RANBP2: variants seen among roughly 807,000 people sequenced by gnomAD.
The protein encoded by RANBP2 is E3 SUMO-protein ligase RanBP2.
Under a neutral mutation model 303.6 loss-of-function variants are expected in RANBP2, and 57 were observed. The observed-to-expected ratio is 0.19, with a 90% CI of 0.15 to 0.23. The LOEUF (loss-of-function observed/expected upper bound fraction) is 0.23. RANBP2 is among the 10% of genes least tolerant of loss of function. The pLI is 1.00. For missense variants in RANBP2, 3,138 were observed against 3,780.8 expected, an observed-to-expected ratio of 0.83 and a Z score of 4.46; for synonymous variants, 1,167 against 1,301.5, an observed-to-expected ratio of 0.90 and a Z score of 2.23.
chr2:108,930,346 G>A, the RANBP2 span: 3 of 1,300,598 alleles, frequency 2.3e-6, no homozygotes, highest in Non-Finnish European at 3.3e-6. Context: ...CCTGCGGTGG[G>A]GGCTCTGCTG....
chr2:108,955,953 C>A, the RANBP2 span, among the ~76,000 whole-genome samples: 1 of 152,108 alleles, frequency 6.6e-6, no homozygotes, highest in Non-Finnish European at 1.5e-5. Context: ...GGCGGGAACC[C>A]AGGAGGTGGA....
At chr2:108,774,892 A>G (rs867532145) in intron 23 of RANBP2, among the ~76,000 whole-genome samples, 1 of 151,928 alleles carries the variant, frequency 6.6e-6, no homozygotes, top group African/African-American at 2.4e-5. Flanking sequence ...GGGTTTCACC[A>G]TGTTGGTAAG....
the RANBP2 span, chr2:109,614,272 G>T: frequency 1.5e-6 from 1 of 651,986 alleles, no homozygotes; most frequent in Non-Finnish European, 2.1e-6. Context: ...GGAAGTGGGC[G>T]TGGCCTGGTG....
At chr2:109,202,224 G>T in the RANBP2 span, among the ~76,000 whole-genome samples, 1 of 152,304 alleles carries the variant, frequency 6.6e-6, no homozygotes, top group South Asian at 2.1e-4. Context: ...CCTGTGGACT[G>T]CAGAGTGAGG....
chr2:109,706,972 T>C, the RANBP2 span, among the ~76,000 whole-genome samples: 1 of 151,974 alleles, frequency 6.6e-6, no homozygotes, highest in Admixed American at 6.6e-5. Context: ...TCACAGACAT[T>C]GAGTTGGAGA....
the RANBP2 span, among the ~76,000 whole-genome samples, chr2:109,716,598 G>T: frequency 6.6e-6 from 1 of 152,066 alleles, no homozygotes; most frequent in Non-Finnish European, 1.5e-5. Flanking sequence ...CCAGGCTGAA[G>T]TGCAGTGGTG....
chr2:109,238,638 TA>T, the RANBP2 span, among the ~76,000 whole-genome samples: 3 of 152,112 alleles, frequency 2.0e-5, no homozygotes, highest in African/African-American at 7.2e-5. Flanking sequence ...CAGAGTTTCT[TA>T]AACCCAGAGT....
At chr2:109,307,000 A>G in the RANBP2 span, among the ~76,000 whole-genome samples, 1 of 152,242 alleles carries the variant, frequency 6.6e-6, no homozygotes, top group African/African-American at 2.4e-5. Flanking sequence ...AGGTAACATA[A>G]TTGAGGGCAC....
the RANBP2 span, among the ~76,000 whole-genome samples, chr2:108,793,867 G>C: frequency 6.6e-6 from 1 of 151,976 alleles, no homozygotes; most frequent in Non-Finnish European, 1.5e-5. Flanking sequence ...CTCCCAAAGT[G>C]CTGGGATTAT....
the RANBP2 span, among the ~76,000 whole-genome samples, chr2:109,694,525 G>T: frequency 1.3e-5 from 2 of 151,450 alleles, no homozygotes; most frequent in Non-Finnish European, 2.9e-5. Flanking sequence ...TGCCTGAACT[G>T]GTAAGCATAA....
the RANBP2 span, among the ~76,000 whole-genome samples, chr2:109,427,074 T>C: frequency 5.3e-5 from 8 of 152,092 alleles, no homozygotes; most frequent in Admixed American, 3.9e-4. Context: ...GTTCAAGCGA[T>C]TCTCTGGCCC....
the RANBP2 span, among the ~76,000 whole-genome samples, chr2:109,434,748 C>T: frequency 6.6e-6 from 1 of 152,232 alleles, no homozygotes; most frequent in African/African-American, 2.4e-5. Flanking sequence ...CATTCAGGAT[C>T]CCCCCTCACA....
Position 108,766,270 on chromosome 2 carries a change from A to G in RANBP2, c.5731A>G (p.Lys1911Glu), listed in dbSNP as rs762492477. 65 of 1,612,082 alleles carry G rather than the reference A, an allele frequency of 4.0e-5. No homozygotes were observed. Among genetic ancestry groups the G allele is most frequent in the Non-Finnish European group, 4.6e-5 (54 of 1,180,002 alleles). The change falls in exon 20 of 29, where the codon AAA becomes GAA. Residue 1911 changes from lysine (K) to glutamate (E), a missense_variant. Physicochemically the swap from Lys to Glu is moderately conservative, Grantham distance 56. This residue lies in a region of RANBP2 where 348 missense variants were observed against 360.4 expected (regional missense o/e 0.97). Coordinates refer to ENST00000283195, the MANE Select transcript of RANBP2 (RefSeq NM_006267.5). ...TTCGGAACCAGGAAATCAAGAAAAG[A>G]AAAGTGAAAAGCCTCTTGAAAATGG... The part of the protein sequence containing the change: ...GISEPGNQEK[K>E]SEKPLENGTG...
At chr2:108,843,246 C>G in the RANBP2 span, among the ~76,000 whole-genome samples, 1 of 152,168 alleles carries the variant, frequency 6.6e-6, no homozygotes, top group Non-Finnish European at 1.5e-5. Flanking sequence ...CAACCTCCGT[C>G]TGCTGGGTTC....
chr2:109,211,407 A>G, the RANBP2 span, among the ~76,000 whole-genome samples: 1 of 152,252 alleles, frequency 6.6e-6, no homozygotes, highest in Non-Finnish European at 1.5e-5. Context: ...TATAAACAGC[A>G]GGGAAGCCCT....
the RANBP2 span, among the ~76,000 whole-genome samples, chr2:108,938,144 G>T: frequency 3.9e-5 from 6 of 152,308 alleles, no homozygotes; most frequent in African/African-American, 1.2e-4. Flanking sequence ...GGCAGGAAGA[G>T]CATGGAAAAT....
the RANBP2 span, among the ~76,000 whole-genome samples, chr2:109,123,722 G>A: frequency 6.6e-6 from 1 of 152,196 alleles, no homozygotes; most frequent in Non-Finnish European, 1.5e-5. Context: ...TCATAGGGCT[G>A]GGTGGTGGAA....
the RANBP2 span, among the ~76,000 whole-genome samples, chr2:108,920,174 C>A: frequency 2.8e-4 from 42 of 152,334 alleles, no homozygotes; most frequent in African/African-American, 9.6e-4. Context: ...GCCTGCTGGG[C>A]TGGGATGCTT....
the RANBP2 span, among the ~76,000 whole-genome samples, chr2:108,997,418 G>A: frequency 2.9e-5 from 3 of 103,600 alleles, no homozygotes; most frequent in Admixed American, 4.9e-4. Context: ...TCCAGCCTTG[G>A]AGACAGAGCA....
Sources: gnomAD v4.1 joint callset for allele counts (sites outside exome capture counted in the v4.1 genomes callset) on GRCh38, gnomAD v4.1.1 for gene constraint, gnomAD v4.1.1 regional missense constraint, MANE v1.5 for transcripts, NCBI Gene and HGNC (gene_info 2026-07-23, HGNC 2026-07-21) for gene names.